Variants in HS3ST3B1 observed in about 807,000 individuals in gnomAD.
HS3ST3B1 encodes heparan sulfate glucosamine 3-O-sulfotransferase 3B1.
A neutral mutation model predicts 21.3 loss-of-function variants in HS3ST3B1; 13 were observed. The ratio of observed to expected loss-of-function variants is 0.61; its 90% CI spans 0.40 to 0.97. The LOEUF is 0.97. HS3ST3B1 is among the 50% of genes least tolerant of loss of function. The pLI is 0.00. For missense variants in HS3ST3B1, 459 were observed against 554.8 expected, an observed-to-expected ratio of 0.83 and a Z score of 1.73; for synonymous variants, 234 against 254.8, an observed-to-expected ratio of 0.92 and a Z score of 0.78.
At chr17:14,338,725 G>C (rs1910276794) in intron 1 of HS3ST3B1, among the ~76,000 whole-genome samples, 1 of 152,156 alleles carries the variant, frequency 6.6e-6, no homozygotes, top group African/African-American at 2.4e-5. Flanking sequence ...TTACAGGTGT[G>C]AGCCAGCACA....
At position 14,348,341 on chromosome 17, in the gene HS3ST3B1, G is replaced by A. The variant is rs190501385; in HGVS notation, c.*2695G>A. On this transcript the variant is annotated 3_prime_UTR_variant, in exon 2 of 2. Coordinates refer to ENST00000360954, the MANE Select transcript of HS3ST3B1 (RefSeq NM_006041.3). Reference sequence around the variant, plus strand: ...TGGGTCAAATCCTTGAATTCAAACAGATGTCCATAATCAGTACTGATGGAA... The same window carrying A: ...TGGGTCAAATCCTTGAATTCAAACAAATGTCCATAATCAGTACTGATGGAA... The A allele has an allele frequency of 9.8e-4, 149 of 152,316 alleles. 1 individual carries two copies. Among genetic ancestry groups the A allele is most frequent in the African/African-American group, 3.4e-3 (141 of 41,552 alleles). The allele number at this position is 152,316 out of a possible 1,614,324, so 9.4% of individuals were successfully genotyped here. A position where few individuals can be genotyped will look rare whatever the true frequency, so the allele number is the denominator to read the frequency against.
intron 1 of HS3ST3B1, among the ~76,000 whole-genome samples, chr17:14,336,069 G>A (rs1910178367): frequency 6.6e-6 from 1 of 152,192 alleles, no homozygotes; most frequent in African/African-American, 2.4e-5. Context: ...TTCCTAACGG[G>A]CCAGGAGAAG....
rs1386168790 is a variant in HS3ST3B1 at position 14,301,461 on chromosome 17, C to G, written c.-58C>G. The G allele has an allele frequency of 1.2e-5, 16 of 1,370,198 alleles. No homozygotes were observed. Among genetic ancestry groups the G allele is most frequent in the East Asian group, 8.8e-5 (3 of 34,156 alleles). The allele number at this position is 1,370,198 out of a possible 1,614,324, so 84.9% of individuals were successfully genotyped here. A position where few individuals can be genotyped will look rare whatever the true frequency, so the allele number is the denominator to read the frequency against. On this transcript the variant is annotated 5_prime_UTR_variant, in exon 1 of 2. Coordinates refer to ENST00000360954, the MANE Select transcript of HS3ST3B1 (RefSeq NM_006041.3). ...GGGGAACCCTCTCTGCGCTCACTGC[C>G]CGGCGGGACCCACGCCATGTGCTGA...
At chr17:14,336,914 T>C (rs740377) in intron 1 of HS3ST3B1, among the ~76,000 whole-genome samples, 47,933 of 151,944 alleles carry the variant, frequency 0.32, 7,963 homozygotes, top group African/African-American at 0.37. Context: ...ACCAAGATTT[T>C]GGGGACACAT....
At chr17:14,341,294 A>G (rs1220480575) in intron 1 of HS3ST3B1, among the ~76,000 whole-genome samples, 1 of 152,226 alleles carries the variant, frequency 6.6e-6, no homozygotes, top group Admixed American at 6.5e-5. Flanking sequence ...AGCAGAATCC[A>G]GCATTCCTGC....
chr17:14,332,318 CG>C (rs1234197072), intron 1 of HS3ST3B1, among the ~76,000 whole-genome samples: 1 of 152,086 alleles, frequency 6.6e-6, no homozygotes, highest in East Asian at 1.9e-4. Context: ...AATGACCTTG[CG>C]GCCTACTCTT....
chr17:14,319,393 T>C (rs1909590631), intron 1 of HS3ST3B1, among the ~76,000 whole-genome samples: 1 of 152,120 alleles, frequency 6.6e-6, no homozygotes, highest in Non-Finnish European at 1.5e-5. Flanking sequence ...ATTGATTATA[T>C]CCATTTGGAA....
At position 14,301,207 on chromosome 17, in the gene HS3ST3B1, T is replaced by C; in HGVS notation, c.-312T>C. The C allele has an allele frequency of 2.4e-6, 1 of 421,130 alleles. No individual in the cohort carries two copies. Among genetic ancestry groups the C allele is most frequent in the Non-Finnish European group, 4.2e-6 (1 of 238,582 alleles). 26.1% of individuals were successfully genotyped at this position (421,130 alleles called of 1,614,324 possible). ...GTCTAGAGTGGCCAGGGCGCGAGAG[T>C]GCAACGTCCTCCTGGCCCCGAGCGC... On this transcript the variant is annotated 5_prime_UTR_variant, in exon 1 of 2. Transcript: ENST00000360954.
rs759470594 is a variant in HS3ST3B1 at position 14,301,614 on chromosome 17, G to A, written c.96G>A (p.Lys32=). The A allele has an allele frequency of 1.2e-6, 2 of 1,606,196 alleles. No individual in the cohort carries two copies. Among genetic ancestry groups the A allele is most frequent in the African/African-American group, 1.3e-5 (1 of 74,560 alleles). The part of the protein sequence containing the change: ...PPPPPPPVRR[K]LALLFAMLCV... ...CGCCCCCGCCGCCGGTGAGGAGGAA[G>A]CTCGCGCTGCTCTTCGCCATGCTCT... The change falls in exon 1 of 2, where the codon AAG becomes AAA. Residue 32 remains lysine, a synonymous_variant. Transcript: ENST00000360954.
At chr17:14,340,383 G>T (rs1239636785) in intron 1 of HS3ST3B1, among the ~76,000 whole-genome samples, 4 of 151,962 alleles carry the variant, frequency 2.6e-5, no homozygotes, top group Non-Finnish European at 5.9e-5. Flanking sequence ...CCCTCATGGC[G>T]CCTCGTAGTA....
At chr17:14,334,039 G>A (rs1792040857) in intron 1 of HS3ST3B1, among the ~76,000 whole-genome samples, 1 of 152,184 alleles carries the variant, frequency 6.6e-6, no homozygotes. Context: ...GGGATTACAG[G>A]CGTGAGCCAC....
chr17:14,328,197 C>G (rs1240056861), intron 1 of HS3ST3B1: 3 of 152,194 alleles, frequency 2.0e-5, no homozygotes, highest in African/African-American at 7.2e-5. Context: ...AATCATGGAA[C>G]CTACTCAAAT....
intron 1 of HS3ST3B1, among the ~76,000 whole-genome samples, chr17:14,322,603 T>C (rs1288191329): frequency 6.6e-6 from 1 of 152,186 alleles, no homozygotes; most frequent in African/African-American, 2.4e-5. Context: ...CTTAATAAAA[T>C]ATAAAGGCAG....
intron 1 of HS3ST3B1, among the ~76,000 whole-genome samples, chr17:14,341,921 T>C (rs1039783444): frequency 1.3e-5 from 2 of 152,224 alleles, no homozygotes; most frequent in African/African-American, 4.8e-5. Flanking sequence ...CACATTAGCC[T>C]GATGACACTG....
chr17:14,318,346 G>C (rs1007898948), intron 1 of HS3ST3B1, among the ~76,000 whole-genome samples: 1 of 152,136 alleles, frequency 6.6e-6, no homozygotes, highest in Non-Finnish European at 1.5e-5. Context: ...CGGGAGAGGG[G>C]ATGAGGGAAT....
At chr17:14,324,451 A>G (rs530870704) in intron 1 of HS3ST3B1, among the ~76,000 whole-genome samples, 39 of 152,228 alleles carry the variant, frequency 2.6e-4, no homozygotes, top group African/African-American at 8.4e-4. Context: ...GGGTCTTGCC[A>G]TGTGGCCCAG....
intron 1 of HS3ST3B1, among the ~76,000 whole-genome samples, chr17:14,337,332 AT>A (rs35942275): frequency 2.4e-3 from 350 of 143,380 alleles, no homozygotes; most frequent in Middle Eastern, 7.2e-3. Flanking sequence ...TCCTGATTGG[AT>A]TTTTTTTTTT....
chr17:14,340,053 G>A (rs1475868144), intron 1 of HS3ST3B1, among the ~76,000 whole-genome samples: 1 of 152,120 alleles, frequency 6.6e-6, no homozygotes, highest in Non-Finnish European at 1.5e-5. Flanking sequence ...GGCAAAGAGG[G>A]ACTTGCCTGG....
At chr17:14,304,328 C>G (rs1452156497) in intron 1 of HS3ST3B1, 1 of 152,248 alleles carries the variant, frequency 6.6e-6, no homozygotes, top group Non-Finnish European at 1.5e-5. Flanking sequence ...CTGTAAATGC[C>G]GCAACTGGCC....
Sources: gnomAD v4.1 joint callset for allele counts (sites outside exome capture counted in the v4.1 genomes callset) on GRCh38, gnomAD v4.1.1 for gene constraint, MANE v1.5 for transcripts, NCBI Gene and HGNC (gene_info 2026-07-23, HGNC 2026-07-21) for gene names.